BDKRB2: variants seen among roughly 807,000 people sequenced by gnomAD.
BDKRB2 encodes B2 bradykinin receptor.
In BDKRB2, 6 loss-of-function variants were observed where a neutral mutation model predicts 4.0. The ratio of observed to expected loss-of-function variants is 1.49; its 90% CI spans 0.81 to 2.93. The LOEUF (loss-of-function observed/expected upper bound fraction) is 2.93, where lower values mean the gene tolerates loss of function less well. Among genes scored for constraint, BDKRB2 ranks in the 30% most tolerant of loss-of-function variants. The probability of loss-of-function intolerance (pLI) is 0.00; values close to 1 mark genes in which losing one functional copy is unlikely to be tolerated. For missense variants in BDKRB2, 478 were observed against 520.1 expected (o/e 0.92, Z 0.79); for synonymous variants, 225 against 215.3 (o/e 1.05, Z -0.40).
chr14:96,235,347 CAAAAAAAA>C (rs60409238), intron 1 of BDKRB2, among the ~76,000 whole-genome samples: 2 of 67,222 alleles, frequency 3.0e-5, no homozygotes, highest in South Asian at 6.1e-4. Context: ...GACTCCGTCT[CAAAAAAAA>C]AAAAAAAAAA....
chr14:96,242,437 G>A lies in BDKRB2; in HGVS notation c.*933G>A, dbSNP rs1885319095. ...AAAGCAAAGGGTGCTACGTACATGT[G>A]AGGCATCATTACGCAGACGTAACTG... On this transcript the variant is annotated 3_prime_UTR_variant, in exon 3 of 3. Coordinates refer to ENST00000554311, the MANE Select transcript of BDKRB2 (RefSeq NM_001379692.1). 6.6e-6 allele frequency: 1 copy of A among 152,256 alleles called. No individual in the cohort carries two copies. The highest frequency in any genetic ancestry group is 2.1e-4 in the South Asian group (1 of 4,830). The allele number at this position is 152,256 out of a possible 1,614,324, so 9.4% of individuals were successfully genotyped here.
At chr14:96,223,483 G>A (rs933289242) in intron 1 of BDKRB2, 3 of 623,646 alleles carry the variant, frequency 4.8e-6, no homozygotes, top group Middle Eastern at 4.4e-4. Flanking sequence ...CTGTTTGAAT[G>A]TGCTGGTAAC....
rs13306219 is a variant in BDKRB2 at position 96,204,969 on chromosome 14, G to A, written c.-40+10G>A. On this transcript the variant is annotated intron_variant, in intron 1 of 2. Transcript: ENST00000554311. ...GCTTGCTCCGGAGAAGGTGGGTGCC[G>A]GGCAGGGGCTGCTCCAGCCGCCTCA... 1.4e-5 allele frequency: 3 copies of A among 215,648 alleles called. No individual in the cohort carries two copies. Among genetic ancestry groups the A allele is most frequent in the South Asian group, 1.3e-4 (3 of 23,456 alleles). The allele number at this position is 215,648 out of a possible 1,614,324, so 13.4% of individuals were successfully genotyped here.
chr14:96,228,313 C>T (rs970837601), intron 1 of BDKRB2, among the ~76,000 whole-genome samples: 5 of 152,200 alleles, frequency 3.3e-5, no homozygotes, highest in African/African-American at 1.2e-4. Flanking sequence ...TGTTAACCAA[C>T]TCAGTGGAGA....
chr14:96,224,166 T>C (rs1364790777), intron 1 of BDKRB2, among the ~76,000 whole-genome samples: 1 of 152,194 alleles, frequency 6.6e-6, no homozygotes, highest in African/African-American at 2.4e-5. Flanking sequence ...GGTTTGGGCA[T>C]AGAGAAAAAG....
chr14:96,220,854 G>A (rs1479282564), intron 1 of BDKRB2, among the ~76,000 whole-genome samples: 2 of 152,074 alleles, frequency 1.3e-5, no homozygotes, highest in East Asian at 1.9e-4. Context: ...GCTACCTGGA[G>A]TGCGTGGACA....
rs1566685359 is a variant in BDKRB2 at position 96,204,879 on chromosome 14, CGGTGGGG to C, written c.-119_-113del. 3.4e-5 allele frequency: 3 copies of C among 87,054 alleles called. No individual in the cohort carries two copies. The highest frequency in any genetic ancestry group is 2.5e-4 in the Admixed American group (1 of 4,000). 5.4% of individuals were successfully genotyped at this position (87,054 alleles called of 1,614,324 possible). On this transcript the variant is annotated 5_prime_UTR_variant, in exon 1 of 3. Coordinates refer to ENST00000554311, the MANE Select transcript of BDKRB2 (RefSeq NM_001379692.1). ...TCTGGGCTCCGAGGAGGGGTGGGGACGGTGGGGACGGTGGGGACATCAGGCTGCCCCG... is the reference window on the plus strand; with the variant it reads ...TCTGGGCTCCGAGGAGGGGTGGGGACACGGTGGGGACATCAGGCTGCCCCG...
chr14:96,231,305 A>T (rs145386942), intron 1 of BDKRB2, among the ~76,000 whole-genome samples: 7 of 152,304 alleles, frequency 4.6e-5, no homozygotes, highest in African/African-American at 1.7e-4. Flanking sequence ...GATTGAATCA[A>T]ATCTTCTGAC....
At chr14:96,213,787 C>G (rs1426179285) in intron 1 of BDKRB2, among the ~76,000 whole-genome samples, 1 of 152,062 alleles carries the variant, frequency 6.6e-6, no homozygotes, top group Admixed American at 6.5e-5. Flanking sequence ...AAGTATCCCC[C>G]CCGACAAACC....
chr14:96,223,196 A>T (rs1595254393), intron 1 of BDKRB2: 1 of 1,133,734 alleles, frequency 8.8e-7, no homozygotes. Flanking sequence ...GACATAGCCA[A>T]GCTGGTCCCT....
chr14:96,219,448 C>T (rs1890504500), intron 1 of BDKRB2, among the ~76,000 whole-genome samples: 1 of 151,988 alleles, frequency 6.6e-6, no homozygotes, highest in South Asian at 2.1e-4. Flanking sequence ...TTGGCTCCTG[C>T]TGCTCTGCCC....
intron 1 of BDKRB2, among the ~76,000 whole-genome samples, chr14:96,225,081 A>G (rs143320507): frequency 2.6e-5 from 4 of 152,272 alleles, no homozygotes; most frequent in Admixed American, 6.5e-5. Context: ...TTGGATGCCA[A>G]TGGGTGAGGA....
chr14:96,243,940 C>A lies in BDKRB2; in HGVS notation c.*2436C>A. 1 of 374,136 alleles carries A rather than the reference C, an allele frequency of 2.7e-6. No individual in the cohort carries two copies. Among genetic ancestry groups the A allele is most frequent in the Non-Finnish European group, 4.7e-6 (1 of 211,462 alleles). 23.2% of individuals were successfully genotyped at this position (374,136 alleles called of 1,614,324 possible). A position where few individuals can be genotyped will look rare whatever the true frequency, so the allele number is the denominator to read the frequency against. On this transcript the variant is annotated 3_prime_UTR_variant, in exon 3 of 3. Coordinates refer to ENST00000554311, the MANE Select transcript of BDKRB2 (RefSeq NM_001379692.1). ...GACTCTCTTAGGAGCAGAGCTCTGCCGCAATGGCCATGTGGGGATCCACAC... is the reference window on the plus strand; with the variant it reads ...GACTCTCTTAGGAGCAGAGCTCTGCAGCAATGGCCATGTGGGGATCCACAC...
intron 1 of BDKRB2, among the ~76,000 whole-genome samples, chr14:96,205,601 G>A (rs934781384): frequency 6.6e-6 from 1 of 152,188 alleles, no homozygotes; most frequent in African/African-American, 2.4e-5. Flanking sequence ...CCAGGGCAGG[G>A]GGATAGGATG....
chr14:96,240,589 C>A lies in BDKRB2; in HGVS notation c.261C>A (p.Ser87Arg). The change falls in exon 3 of 3, where the codon AGC (serine) becomes AGA (arginine). Residue 87 changes from serine (S) to arginine (R), a missense_variant. By Grantham distance (110) the Ser-to-Arg change is moderately radical. Coordinates refer to ENST00000554311, the MANE Select transcript of BDKRB2 (RefSeq NM_001379692.1). ...TCAGCGTCTTCTGCCTGCACAAGAG[C>A]AGCTGCACGGTGGCAGAGATCTACC... ...FVLSVFCLHK[S>R]SCTVAEIYLG... is the part of the protein sequence containing the mutation. 2 of 1,555,094 alleles carry A rather than the reference C, an allele frequency of 1.3e-6. No homozygotes were observed. Among genetic ancestry groups the A allele is most frequent in the Non-Finnish European group, 1.7e-6 (2 of 1,152,798 alleles).
chr14:96,241,407 C>A lies in BDKRB2; in HGVS notation c.1079C>A (p.Pro360His). The A allele has an allele frequency of 6.2e-7, 1 of 1,610,666 alleles. No individual in the cohort carries two copies. Among genetic ancestry groups the A allele is most frequent in the Non-Finnish European group, 8.5e-7 (1 of 1,179,778 alleles). ...VCQKGGCRSEPIQMENSMGTL... is the reference protein window; with the variant it reads ...VCQKGGCRSEHIQMENSMGTL... ...CAGAAAGGGGGCTGCAGGTCAGAACCCATTCAGATGGAGAACTCCATGGGC... is the reference window on the plus strand; with the variant it reads ...CAGAAAGGGGGCTGCAGGTCAGAACACATTCAGATGGAGAACTCCATGGGC... Residue 360 changes from proline to histidine, a missense_variant, in exon 3 of 3, where the codon CCC (proline) becomes CAC (histidine). By Grantham distance (77) the Pro-to-His change is moderately conservative. Coordinates refer to ENST00000554311, the MANE Select transcript of BDKRB2 (RefSeq NM_001379692.1).
chr14:96,227,695 G>GCA (rs951870820), intron 1 of BDKRB2, among the ~76,000 whole-genome samples: 21 of 149,854 alleles, frequency 1.4e-4, no homozygotes, highest in South Asian at 2.1e-4. Flanking sequence ...ACACACACAT[G>GCA]CACACACACA....
At chr14:96,240,047 C>A in intron 2 of BDKRB2, 1 of 1,023,994 alleles carries the variant, frequency 9.8e-7, no homozygotes, top group Non-Finnish European at 1.2e-6. Context: ...TTGGGAGGGC[C>A]CCGGTTGATA....
intron 1 of BDKRB2, among the ~76,000 whole-genome samples, chr14:96,218,630 A>G (rs1890482210): frequency 6.6e-6 from 1 of 152,172 alleles, no homozygotes; most frequent in South Asian, 2.1e-4. Context: ...ATAAAAACCC[A>G]TCTAGAGCTG....
Sources: gnomAD v4.1 joint callset for allele counts (sites outside exome capture counted in the v4.1 genomes callset) on GRCh38, gnomAD v4.1.1 for gene constraint, MANE v1.5 for transcripts, NCBI Gene and HGNC (gene_info 2026-07-23, HGNC 2026-07-21) for gene names.